Variants in ZNF766 observed in about 807,000 individuals in gnomAD.
The protein encoded by ZNF766 is zinc finger protein 766.
Under a neutral mutation model 13.2 loss-of-function variants are expected in ZNF766, and 13 were observed. The observed-to-expected ratio is 0.98, with a 90% confidence interval of 0.64 to 1.56. The LOEUF (loss-of-function observed/expected upper bound fraction) is 1.56, where lower values mean the gene tolerates loss of function less well. Ranked by LOEUF, ZNF766 falls within the 40% of genes most tolerant of loss-of-function variation. The pLI is 0.00. For synonymous variants in ZNF766, 178 were observed against 187.6 expected, an observed-to-expected ratio of 0.95 and a Z score of 0.42; for missense variants, 521 against 552.2, an observed-to-expected ratio of 0.94 and a Z score of 0.57.
intron 1 of ZNF766, among the ~76,000 whole-genome samples, chr19:52,276,946 C>T (rs1981232094): frequency 1.3e-5 from 2 of 152,090 alleles, no homozygotes; most frequent in Admixed American, 1.3e-4. Flanking sequence ...GTGTGGGCTT[C>T]TCCAGGAGGG....
Position 52,295,627 on chromosome 19 carries a change from A to G in ZNF766, c.*4429A>G, listed in dbSNP as rs1479897576. 1 of 152,264 alleles carries G rather than the reference A, an allele frequency of 6.6e-6. No individual in the cohort carries two copies. Among genetic ancestry groups the G allele is most frequent in the African/African-American group, 2.4e-5 (1 of 41,460 alleles). The allele number at this position is 152,264 out of a possible 1,614,324, so 9.4% of individuals were successfully genotyped here. On this transcript the variant is annotated 3_prime_UTR_variant, in exon 4 of 4. Transcript: ENST00000439461. ...TGGCAGGTATAAACGTTTTATTGTA[A>G]ATATGAAAAAGGAAAAAATGCTTTC... is the stretch of plus-strand genomic sequence containing the variant.
chr19:52,288,694 G>A (rs1568622270), intron 3 of ZNF766, among the ~76,000 whole-genome samples: 4 of 138,236 alleles, frequency 2.9e-5, no homozygotes, highest in South Asian at 2.3e-4. Flanking sequence ...ACACCCAGCC[G>A]TTTTTTTTTT....
At chr19:52,277,156 T>C (rs1981244146) in intron 1 of ZNF766, 1 of 1,092,178 alleles carries the variant, frequency 9.2e-7, no homozygotes, top group Non-Finnish European at 1.1e-6. Context: ...ACATTCAGGA[T>C]TGACTTCTAA....
At chr19:52,286,197 A>G (rs2560901) in intron 3 of ZNF766, among the ~76,000 whole-genome samples, 10,240 of 146,976 alleles carry the variant, frequency 0.07, 991 homozygotes, top group African/African-American at 0.2. Flanking sequence ...TTCCCCCCTA[A>G]TTATAAAGGA....
At position 52,291,353 on chromosome 19, in the gene ZNF766, A is replaced by G; in HGVS notation, c.*155A>G. The G allele has an allele frequency of 1.3e-6, 1 of 752,774 alleles. No individual in the cohort carries two copies. The highest frequency in any genetic ancestry group is 2.1e-6 in the Non-Finnish European group (1 of 481,342). 46.6% of individuals were successfully genotyped at this position (752,774 alleles called of 1,614,324 possible). A position where few individuals can be genotyped will look rare whatever the true frequency, so the allele number is the denominator to read the frequency against. On this transcript the variant is annotated 3_prime_UTR_variant, in exon 4 of 4. Coordinates refer to ENST00000439461, the MANE Select transcript of ZNF766 (RefSeq NM_001010851.3). ...ACATTCATCTTTGGTGAAACCACAC[A>G]AATGGATTGTGTGTGCCAAGGCCAA...
chr19:52,271,842 C>T (rs1980988519), intron 1 of ZNF766, among the ~76,000 whole-genome samples: 1 of 152,032 alleles, frequency 6.6e-6, no homozygotes, highest in Non-Finnish European at 1.5e-5. Context: ...TACCTGTATT[C>T]CCAGTTACTC....
At chr19:52,284,991 C>G (rs944844032) in intron 3 of ZNF766, 1 of 151,978 alleles carries the variant, frequency 6.6e-6, no homozygotes, top group Admixed American at 6.6e-5. Flanking sequence ...CAGTCTCCAG[C>G]CCCTGTACCC....
chr19:52,290,804 G>A lies in ZNF766; in HGVS notation c.1013G>A (p.Gly338Glu). ...AATAAATGTGGCAAAGAATTTAGTG[G>A]GCATTCAAGCCTCACCACCCATCTG... ...KCNKCGKEFS[G>E]HSSLTTHLLI... Residue 338 changes from glycine to glutamate, a missense_variant, in exon 4 of 4, where the codon GGG (glycine) becomes GAG (glutamate). Physicochemically the swap from Gly to Glu is moderately conservative, Grantham distance 98. Transcript: ENST00000439461. 1 of 1,613,686 alleles carries A rather than the reference G, an allele frequency of 6.2e-7. No homozygotes were observed. Among genetic ancestry groups the A allele is most frequent in the Non-Finnish European group, 8.5e-7 (1 of 1,179,804 alleles).
chr19:52,276,730 G>A, intron 1 of ZNF766, among the ~76,000 whole-genome samples: 1 of 152,154 alleles, frequency 6.6e-6, no homozygotes, highest in Non-Finnish European at 1.5e-5. Flanking sequence ...GTTTTGCAAC[G>A]TATCCCCTTG....
chr19:52,282,507 A>C, intron 2 of ZNF766: 1 of 253,524 alleles, frequency 3.9e-6, no homozygotes, highest in Non-Finnish European at 7.7e-6. Context: ...GTCACGGTGC[A>C]TGCCTGTAAT....
At chr19:52,279,755 G>C (rs1166209700) in intron 1 of ZNF766, among the ~76,000 whole-genome samples, 2 of 107,838 alleles carry the variant, frequency 1.9e-5, no homozygotes, top group Admixed American at 1.8e-4. Flanking sequence ...TGGAGTTCAA[G>C]TTTCTATGTT....
intron 1 of ZNF766, among the ~76,000 whole-genome samples, chr19:52,272,256 G>T (rs1013613720): frequency 6.6e-6 from 1 of 151,866 alleles, no homozygotes; most frequent in African/African-American, 2.4e-5. Flanking sequence ...TCTGTGTTTC[G>T]AAGTCCAATT....
chr19:52,283,406 C>T lies in ZNF766; in HGVS notation c.267C>T (p.Ile89=), dbSNP rs1465901910. 6.3e-7 allele frequency: 1 copy of T among 1,590,046 alleles called. No homozygotes were observed. The highest frequency in any genetic ancestry group is 1.8e-5 in the Admixed American group (1 of 55,738). ...NPDRWEGIKD[I]NTGRSCAVRS... ...ATAGGTGGGAAGGTATCAAAGATAT[C>T]AACACAGGTAAGAGCTCAGATGGAC... Residue 89 remains isoleucine, a synonymous_variant, in exon 3 of 4, where the codon ATC becomes ATT. Transcript: ENST00000439461.
intron 1 of ZNF766, among the ~76,000 whole-genome samples, chr19:52,271,867 G>T (rs779723093): frequency 6.6e-6 from 1 of 151,576 alleles, no homozygotes; most frequent in East Asian, 1.9e-4. Flanking sequence ...GGCTGAGGCA[G>T]GAGAGTCACT....
intron 3 of ZNF766, among the ~76,000 whole-genome samples, chr19:52,287,655 T>C (rs1344318443): frequency 6.6e-6 from 1 of 152,270 alleles, no homozygotes; most frequent in African/African-American, 2.4e-5. Context: ...TTCAGTCTTC[T>C]TATTTGTTAC....
At position 52,292,637 on chromosome 19, in the gene ZNF766, T is replaced by G. The variant is rs1982202449; in HGVS notation, c.*1439T>G. The G allele has an allele frequency of 6.5e-6, 1 of 154,300 alleles. No individual in the cohort carries two copies. The highest frequency in any genetic ancestry group is 2.4e-5 in the African/African-American group (1 of 41,536). The allele number at this position is 154,300 out of a possible 1,614,324, so 9.6% of individuals were successfully genotyped here. A position where few individuals can be genotyped will look rare whatever the true frequency, so the allele number is the denominator to read the frequency against. ...ACTACCAGTGGAACATGTTCTTGAGTAGGATTCACATTTAACTGCTGGCAT... is the reference window on the plus strand; with the variant it reads ...ACTACCAGTGGAACATGTTCTTGAGGAGGATTCACATTTAACTGCTGGCAT... On this transcript the variant is annotated 3_prime_UTR_variant, in exon 4 of 4. Transcript: ENST00000439461.
At chr19:52,274,577 G>A (rs760264535) in intron 1 of ZNF766, 1 of 152,348 alleles carries the variant, frequency 6.6e-6, no homozygotes, top group Admixed American at 6.5e-5. Context: ...TGTAGCTGAA[G>A]AAGAGGCAAG....
At chr19:52,288,055 C>G (rs1405001830) in intron 3 of ZNF766, 1 of 406,156 alleles carries the variant, frequency 2.5e-6, no homozygotes, top group Non-Finnish European at 4.7e-6. Context: ...GAGTCCTGTT[C>G]TGTCGCCCAG....
chr19:52,282,808 C>G (rs1252251014), intron 2 of ZNF766, among the ~76,000 whole-genome samples: 1 of 152,118 alleles, frequency 6.6e-6, no homozygotes, highest in African/African-American at 2.4e-5. Context: ...ATCCAGTTCC[C>G]TGTTTTCTAC....
Sources: gnomAD v4.1 joint callset for allele counts (sites outside exome capture counted in the v4.1 genomes callset) on GRCh38, gnomAD v4.1.1 for gene constraint, MANE v1.5 for transcripts, NCBI Gene and HGNC (gene_info 2026-07-23, HGNC 2026-07-21) for gene names.